The following HEATR5B variants were observed in gnomAD, a reference collection of about 807,000 sequenced individuals.
HEATR5B encodes the protein HEAT repeat-containing protein 5B.
HEATR5B carries 156 observed loss-of-function variants against 224.1 expected under a neutral mutation model. That is an observed-to-expected ratio of 0.70 (90% confidence interval 0.61 to 0.80). The LOEUF (loss-of-function observed/expected upper bound fraction) is 0.80, where lower values mean the gene tolerates loss of function less well. Among genes scored for constraint, HEATR5B ranks in the 30% least tolerant of loss-of-function variants. The probability of loss-of-function intolerance (pLI) is 0.00; values close to 1 mark genes in which losing one functional copy is unlikely to be tolerated. For missense variants in HEATR5B, 2,323 were observed against 2,535.5 expected, an observed-to-expected ratio of 0.92 and a Z score of 1.80; for synonymous variants, 1,027 against 893.0, an observed-to-expected ratio of 1.15 and a Z score of -2.68.
intron 18 of HEATR5B, among the ~76,000 whole-genome samples, chr2:37,042,843 G>C (rs1193972515): frequency 6.9e-6 from 1 of 144,260 alleles, no homozygotes; most frequent in East Asian, 2.1e-4. Context: ...AGAGAGCCAA[G>C]ATCGCGCCAC....
chr2:37,057,008 CACAAA>C (rs1670954170), intron 15 of HEATR5B, among the ~76,000 whole-genome samples: 1 of 152,246 alleles, frequency 6.6e-6, no homozygotes, highest in East Asian at 1.9e-4. Flanking sequence ...TCCAACCTGT[CACAAA>C]ACAAAACAAA....
Position 37,075,555 on chromosome 2 carries a change from C to T in HEATR5B, c.527G>A (p.Arg176His), listed in dbSNP as rs372034610. Residue 176 changes from arginine (R) to histidine (H), a missense_variant, in exon 5 of 36, where the codon CGT (arginine) becomes CAT (histidine). Transcript: ENST00000233099. ...AGACCTGGCATTCTTGTAAATATCA[C>T]GATGGGAGGAAGCTGCTGCACCACC... Reference protein sequence around the residue: ...GLGGAAASSHRDIYKNARSLL... With the variant: ...GLGGAAASSHHDIYKNARSLL... 4 of 1,613,778 alleles carry T rather than the reference C, an allele frequency of 2.5e-6. No homozygotes were observed. The highest frequency in any genetic ancestry group is 3.3e-5 in the Admixed American group (2 of 60,018).
At chr2:37,006,501 C>A (rs187943980) in intron 29 of HEATR5B, among the ~76,000 whole-genome samples, 2 of 152,074 alleles carry the variant, frequency 1.3e-5, no homozygotes, top group Non-Finnish European at 2.9e-5. Flanking sequence ...ATTACCCGGG[C>A]GTGGTGGCGC....
At chr2:37,067,374 T>C (rs1671650088) in intron 8 of HEATR5B, among the ~76,000 whole-genome samples, 1 of 152,264 alleles carries the variant, frequency 6.6e-6, no homozygotes, top group African/African-American at 2.4e-5. Flanking sequence ...GTTGTGAATC[T>C]AAGACAGATG....
intron 31 of HEATR5B, among the ~76,000 whole-genome samples, chr2:37,003,232 G>A (rs2148379408): frequency 7.0e-6 from 1 of 142,430 alleles, no homozygotes; most frequent in South Asian, 2.2e-4. Flanking sequence ...TCCAGCCTGG[G>A]CTCTTGAGAG....
At chr2:37,009,769 C>T (rs1156953435) in intron 27 of HEATR5B, among the ~76,000 whole-genome samples, 1 of 151,488 alleles carries the variant, frequency 6.6e-6, no homozygotes, top group East Asian at 1.9e-4. Flanking sequence ...ACAAAGCACC[C>T]CCCGCCTCCA....
At chr2:37,082,792 G>C (rs1433631394) in intron 2 of HEATR5B, among the ~76,000 whole-genome samples, 1 of 152,202 alleles carries the variant, frequency 6.6e-6, no homozygotes, top group African/African-American at 2.4e-5. Context: ...AAGCCTGTGA[G>C]ACCCCTGATT....
Position 36,990,805 on chromosome 2 carries a change from A to C in HEATR5B, c.5546-6T>G. ...AGGTGTAGGTACAGAGTCTTCTGAAAATGAAAAATGAAAGAAGTGTGCTGT... is the reference window on the plus strand; with the variant it reads ...AGGTGTAGGTACAGAGTCTTCTGAACATGAAAAATGAAAGAAGTGTGCTGT... On this transcript the variant is annotated splice_region_variant and splice_polypyrimidine_tract_variant and intron_variant, in intron 33 of 35. Coordinates refer to ENST00000233099, the MANE Select transcript of HEATR5B (RefSeq NM_019024.3). 6.5e-7 allele frequency: 1 copy of C among 1,537,836 alleles called. No individual in the cohort carries two copies. The highest frequency in any genetic ancestry group is 8.8e-7 in the Non-Finnish European group (1 of 1,140,962).
chr2:37,034,361 C>G lies in HEATR5B; in HGVS notation c.3217-1588G>C, dbSNP rs1432358293. On this transcript the variant is annotated intron_variant, in intron 21 of 35. Coordinates refer to ENST00000233099, the MANE Select transcript of HEATR5B (RefSeq NM_019024.3). ...GGGCGCGGTGGCTCACGCCTGTAAT[C>G]CCAGCACTTTGGGAGGCCGAGGCGG... Among the ~76,000 whole-genome samples the G allele has an allele frequency of 2.8e-5, 4 of 140,938 alleles. 1 individual carries two copies. Among genetic ancestry groups the G allele is most frequent in the African/African-American group, 1.0e-4 (4 of 39,318 alleles). 92.5% of individuals were successfully genotyped at this position (140,938 alleles called of 152,430 possible).
chr2:36,997,533 T>A (rs1039349431), intron 33 of HEATR5B, among the ~76,000 whole-genome samples: 1 of 151,634 alleles, frequency 6.6e-6, no homozygotes, highest in Non-Finnish European at 1.5e-5. Flanking sequence ...CTCTGTGACA[T>A]CTTTCCTTGA....
chr2:37,032,883 TG>T (rs1035128018), intron 21 of HEATR5B, 110 bp from the exon 22 acceptor site: 11 of 953,184 alleles, frequency 1.2e-5, no homozygotes, highest in South Asian at 2.0e-5. Flanking sequence ...TGTTTTGTTT[TG>T]TTTTTTTTTT....
chr2:37,000,852 A>C (rs748442369), intron 32 of HEATR5B, 39 bp from the exon 33 acceptor site: 10 of 1,313,300 alleles, frequency 7.6e-6, no homozygotes, highest in Admixed American at 3.5e-5. Flanking sequence ...ATAACTATTC[A>C]GTTCCCATAT....
chr2:37,034,308 T>TA (rs1159146245), intron 21 of HEATR5B, among the ~76,000 whole-genome samples: 1 of 144,144 alleles, frequency 6.9e-6, no homozygotes, highest in Non-Finnish European at 1.5e-5. Flanking sequence ...ACCTGGCTGT[T>TA]TGTTTTGTTT....
rs187371441 is a variant in HEATR5B at position 37,014,361 on chromosome 2, A to G, written c.4105-341T>C. 1.9e-3 allele frequency among the ~76,000 whole-genome samples: 289 copies of G among 151,776 alleles called. 1 individual carries two copies. The highest frequency in any genetic ancestry group is 6.7e-3 in the African/African-American group (276 of 41,430). ...GTATTTTTAGTAGAGACGGGGTTTC[A>G]CTGTGTTAGCCAGGATGGTCTCGAT... On this transcript the variant is annotated intron_variant, in intron 26 of 35. Coordinates refer to ENST00000233099, the MANE Select transcript of HEATR5B (RefSeq NM_019024.3).
At chr2:37,062,628 G>A (rs778960716) in intron 10 of HEATR5B, among the ~76,000 whole-genome samples, 21 of 152,174 alleles carry the variant, frequency 1.4e-4, no homozygotes, top group Non-Finnish European at 2.9e-4. Flanking sequence ...TTCCATCACT[G>A]GTAAAACAGA....
intron 27 of HEATR5B, among the ~76,000 whole-genome samples, chr2:37,010,854 C>T (rs974080445): frequency 6.6e-6 from 1 of 151,840 alleles, no homozygotes; most frequent in Non-Finnish European, 1.5e-5. Flanking sequence ...TTCATCAAAT[C>T]CTTACTAGGT....
chr2:37,062,154 C>A (rs1019638199), intron 10 of HEATR5B, 104 bp from the exon 11 acceptor site: 2 of 686,034 alleles, frequency 2.9e-6, no homozygotes, highest in South Asian at 1.7e-5. Context: ...TGGCTGGATG[C>A]GGTGGCTCAT....
chr2:37,043,492 A>G (rs1670001075), intron 18 of HEATR5B, among the ~76,000 whole-genome samples: 1 of 152,236 alleles, frequency 6.6e-6, no homozygotes, highest in East Asian at 1.9e-4. Flanking sequence ...GGAAAGCTTC[A>G]CTAGAGAGTT....
At chr2:37,053,332 T>A (rs1184921147) in intron 17 of HEATR5B, among the ~76,000 whole-genome samples, 170 bp downstream of exon 17, 3 of 152,250 alleles carry the variant, frequency 2.0e-5, no homozygotes, top group Non-Finnish European at 4.4e-5. Context: ...AACATTTATT[T>A]AACTACACTG....
Sources: allele counts gnomAD v4.1 joint callset (sites outside exome capture counted in the v4.1 genomes callset), GRCh38; gene constraint gnomAD v4.1.1; transcripts MANE v1.5; gene names NCBI Gene and HGNC (gene_info 2026-07-23, HGNC 2026-07-21).